SMOC2: variants seen among roughly 807,000 people sequenced by gnomAD.
The protein encoded by SMOC2 is SPARC-related modular calcium-binding protein 2.
In SMOC2, 39 loss-of-function variants were observed where a neutral mutation model predicts 61.4. The ratio of observed to expected loss-of-function variants is 0.64; its 90% CI spans 0.49 to 0.83. SMOC2 has a LOEUF of 0.83. Among genes scored for constraint, SMOC2 ranks in the 40% least tolerant of loss-of-function variants. The pLI is 0.00. For synonymous variants in SMOC2, 247 were observed against 239.9 expected, an observed-to-expected ratio of 1.03 and a Z score of -0.27; for missense variants, 556 against 592.9, an observed-to-expected ratio of 0.94 and a Z score of 0.65.
At chr6:168,639,054 A>T (rs1467512079) in intron 9 of SMOC2, among the ~76,000 whole-genome samples, 1 of 152,176 alleles carries the variant, frequency 6.6e-6, no homozygotes, top group East Asian at 1.9e-4. Flanking sequence ...AAACAAACAG[A>T]CCATAGGATT....
chr6:168,610,267 C>A (rs140285094), intron 9 of SMOC2, among the ~76,000 whole-genome samples: 1 of 152,178 alleles, frequency 6.6e-6, no homozygotes, highest in Non-Finnish European at 1.5e-5. Context: ...ACACCTCAGA[C>A]GAAAACCAGA....
intron 1 of SMOC2, among the ~76,000 whole-genome samples, chr6:168,497,604 G>C (rs1360926240): frequency 6.6e-6 from 1 of 152,138 alleles, no homozygotes. Context: ...GGGAGCAAGA[G>C]GCCTGCCCCC....
chr6:168,537,741 G>A (rs750516781), intron 4 of SMOC2, among the ~76,000 whole-genome samples: 5 of 152,172 alleles, frequency 3.3e-5, no homozygotes, highest in Non-Finnish European at 4.4e-5. Context: ...TCCCTGCCAC[G>A]GCCAGTCTTG....
intron 12 of SMOC2, 53 bp from the exon 13 acceptor site, chr6:168,666,368 G>A (rs1344654509): frequency 6.2e-7 from 1 of 1,611,446 alleles, no homozygotes; most frequent in East Asian, 2.2e-5. Flanking sequence ...CTTCACAGAT[G>A]AGCGACACAC....
chr6:168,597,238 T>A (rs950956172), intron 7 of SMOC2, among the ~76,000 whole-genome samples: 3 of 152,254 alleles, frequency 2.0e-5, no homozygotes, highest in African/African-American at 7.2e-5. Flanking sequence ...CAACATTTGG[T>A]AATATAGTCA....
At chr6:168,625,469 C>A (rs939103430) in intron 9 of SMOC2, among the ~76,000 whole-genome samples, 2 of 152,202 alleles carry the variant, frequency 1.3e-5, no homozygotes, top group Non-Finnish European at 2.9e-5. Flanking sequence ...GCTCAAATGC[C>A]CCGCATGGCG....
intron 10 of SMOC2, among the ~76,000 whole-genome samples, chr6:168,651,762 C>T (rs944533065): frequency 1.3e-4 from 20 of 152,084 alleles, no homozygotes; most frequent in Admixed American, 7.9e-4. Context: ...TAGAGCAGGC[C>T]GGGCGCAGGG....
At position 168,497,219 on chromosome 6, in the gene SMOC2, C is replaced by G. The variant is rs568401769; in HGVS notation, c.85-12696C>G. 9.8e-5 allele frequency among the ~76,000 whole-genome samples: 15 copies of G among 152,330 alleles called. No homozygotes were observed. The South Asian group carries it at 2.7e-3, about 27-fold the overall frequency. ...GTTCTCCTTCCCTCGCAGAGGAGCC[C>G]GGTGGTCACTGGGAGCCTCAGCTGT... On this transcript the variant is annotated intron_variant, in intron 1 of 12. Transcript: ENST00000356284.
chr6:168,638,081 CCCCTG>C (rs1315467529), intron 9 of SMOC2, among the ~76,000 whole-genome samples: 1 of 151,126 alleles, frequency 6.6e-6, no homozygotes, highest in Admixed American at 6.6e-5. Flanking sequence ...CCCTGCCCTG[CCCCTG>C]CCCTGCCCAG....
At chr6:168,501,643 T>C (rs1403928371) in intron 1 of SMOC2, among the ~76,000 whole-genome samples, 1 of 152,166 alleles carries the variant, frequency 6.6e-6, no homozygotes, top group African/African-American at 2.4e-5. Context: ...AATGCACTTA[T>C]AAAAAGTTCC....
intron 1 of SMOC2, among the ~76,000 whole-genome samples, chr6:168,447,312 C>A (rs374036249): frequency 1.5e-4 from 23 of 152,148 alleles, no homozygotes; most frequent in Non-Finnish European, 8.8e-5. Flanking sequence ...CTCAGGTGAT[C>A]CACTCACTGT....
chr6:168,492,032 G>A (rs929124443), intron 1 of SMOC2, among the ~76,000 whole-genome samples: 1 of 152,082 alleles, frequency 6.6e-6, no homozygotes, highest in African/African-American at 2.4e-5. Flanking sequence ...TTTGAACATG[G>A]CTCAGTCTTA....
intron 10 of SMOC2, among the ~76,000 whole-genome samples, chr6:168,651,497 G>T (rs2115274319): frequency 6.6e-6 from 1 of 152,202 alleles, no homozygotes; most frequent in South Asian, 2.1e-4. Context: ...CCCTGATCTA[G>T]CCATAGTTTA....
chr6:168,496,054 C>G (rs1036580592), intron 1 of SMOC2, among the ~76,000 whole-genome samples: 1 of 152,232 alleles, frequency 6.6e-6, no homozygotes, highest in Non-Finnish European at 1.5e-5. Flanking sequence ...CAAAAGTCTC[C>G]AAGCTTCTCA....
chr6:168,547,130 G>T lies in SMOC2; in HGVS notation c.523G>T (p.Ala175Ser), dbSNP rs1169559862. Residue 175 changes from alanine to serine, a missense_variant, in exon 6 of 13, where the codon GCT becomes TCT. Coordinates refer to ENST00000356284, the MANE Select transcript of SMOC2 (RefSeq NM_001166412.2). Reference sequence around the variant, plus strand: ...CGTTCTGAATTCAGATGATGCCGCAGCTCCAGCGTTGGAGACTCAGCCTCA... The same window carrying T: ...CGTTCTGAATTCAGATGATGCCGCATCTCCAGCGTTGGAGACTCAGCCTCA... ...EGTGKTDDAA[A>S]PALETQPQGD... 6.2e-7 allele frequency: 1 copy of T among 1,614,110 alleles called. No individual in the cohort carries two copies. Among genetic ancestry groups the T allele is most frequent in the East Asian group, 2.2e-5 (1 of 44,850 alleles).
chr6:168,614,633 G>A (rs868398826), intron 9 of SMOC2, among the ~76,000 whole-genome samples: 10 of 87,690 alleles, frequency 1.1e-4, no homozygotes, highest in East Asian at 4.1e-4. Flanking sequence ...CCAGCACAGG[G>A]CCTCTTCACA....
chr6:168,498,322 G>A (rs1157047128), intron 1 of SMOC2, among the ~76,000 whole-genome samples: 1 of 152,204 alleles, frequency 6.6e-6, no homozygotes, highest in African/African-American at 2.4e-5. Flanking sequence ...ATGAGCAAGA[G>A]CCTCAGAAAA....
chr6:168,584,110 G>T (rs973673292), intron 7 of SMOC2, among the ~76,000 whole-genome samples: 2 of 152,222 alleles, frequency 1.3e-5, no homozygotes, highest in Non-Finnish European at 2.9e-5. Context: ...CAAGACTTGG[G>T]GTGGGCAAAG....
At chr6:168,591,688 AAGTC>A (rs1785184658) in intron 7 of SMOC2, among the ~76,000 whole-genome samples, 1 of 150,276 alleles carries the variant, frequency 6.7e-6, no homozygotes, top group African/African-American at 2.4e-5. Context: ...TGTGTATTAA[AAGTC>A]AGCCTCTTGA....
Sources: gnomAD v4.1 joint callset for allele counts (sites outside exome capture counted in the v4.1 genomes callset) on GRCh38, gnomAD v4.1.1 for gene constraint, MANE v1.5 for transcripts, NCBI Gene and HGNC (gene_info 2026-07-23, HGNC 2026-07-21) for gene names.